The following VPS13B variants were observed in gnomAD, a reference collection of about 807,000 sequenced individuals.
VPS13B encodes vacuolar protein sorting 13 homolog B.
Under a neutral mutation model 426.4 loss-of-function variants are expected in VPS13B, and 285 were observed. The ratio of observed to expected loss-of-function variants is 0.67; its 90% confidence interval spans 0.61 to 0.74. The LOEUF (loss-of-function observed/expected upper bound fraction) is 0.74. VPS13B is among the 30% of genes least tolerant of loss of function. The pLI is 0.00. For synonymous variants in VPS13B, 1,676 were observed against 1,676.4 expected, an observed-to-expected ratio of 1.00 and a Z score of 0.01; for missense variants, 4,537 against 4,782.6, an observed-to-expected ratio of 0.95 and a Z score of 1.51.
chr8:99,613,191 G>T (rs758105592), intron 33 of VPS13B, among the ~76,000 whole-genome samples: 1 of 152,126 alleles, frequency 6.6e-6, no homozygotes, highest in African/African-American at 2.4e-5. Flanking sequence ...TGACTATGTT[G>T]TTATACCTTT....
At chr8:99,256,992 T>C (rs1817776903) in intron 17 of VPS13B, among the ~76,000 whole-genome samples, 1 of 152,064 alleles carries the variant, frequency 6.6e-6, no homozygotes, top group South Asian at 2.1e-4. Flanking sequence ...CCAGGCTGAG[T>C]CTGGTATAGA....
intron 21 of VPS13B, 39 bp downstream of exon 21, chr8:99,391,743 C>T: frequency 6.2e-7 from 1 of 1,605,788 alleles, no homozygotes; most frequent in Non-Finnish European, 8.5e-7. Context: ...TGATTGTACT[C>T]TACTTCTAAG....
intron 33 of VPS13B, among the ~76,000 whole-genome samples, chr8:99,615,676 T>A (rs1828054794): frequency 6.6e-6 from 1 of 152,210 alleles, no homozygotes; most frequent in Non-Finnish European, 1.5e-5. Flanking sequence ...AAAAATCAGA[T>A]AAATTTCTGT....
chr8:99,354,544 A>C (rs1238396494), intron 19 of VPS13B, among the ~76,000 whole-genome samples: 1 of 151,728 alleles, frequency 6.6e-6, no homozygotes, highest in Non-Finnish European at 1.5e-5. Flanking sequence ...TTAAATGGAA[A>C]TATCCTATTA....
chr8:99,520,196 A>G (rs1299528070), intron 29 of VPS13B, among the ~76,000 whole-genome samples: 3 of 152,138 alleles, frequency 2.0e-5, no homozygotes, highest in African/African-American at 7.2e-5. Flanking sequence ...TAGGAGGTAG[A>G]ACTTTTAAAG....
At chr8:99,577,850 G>A (rs1327159764) in intron 33 of VPS13B, 1 of 595,606 alleles carries the variant, frequency 1.7e-6, no homozygotes, top group Non-Finnish European at 2.9e-6. Context: ...TTGCAAAATT[G>A]CTGTGGACTG....
chr8:99,642,596 C>CGCCCTT, intron 34 of VPS13B, 98 bp downstream of exon 34: 2 of 1,096,458 alleles, frequency 1.8e-6, no homozygotes, highest in Non-Finnish European at 2.6e-6. Flanking sequence ...AGCTGGCAGA[C>CGCCCTT]AAAAGTCTTT....
At chr8:99,668,457 T>C (rs1588607279) in intron 35 of VPS13B, among the ~76,000 whole-genome samples, 1 of 152,172 alleles carries the variant, frequency 6.6e-6, no homozygotes, top group East Asian at 1.9e-4. Flanking sequence ...CTTCACAGCT[T>C]TTGAAATTTA....
intron 2 of VPS13B, among the ~76,000 whole-genome samples, chr8:99,023,206 T>A (rs982242420): frequency 1.3e-5 from 2 of 151,836 alleles, no homozygotes; most frequent in African/African-American, 4.8e-5. Flanking sequence ...GTGGTCCAGC[T>A]GTAATTTTGT....
At chr8:99,276,077 T>C (rs749748433) in intron 19 of VPS13B, among the ~76,000 whole-genome samples, 1 of 152,172 alleles carries the variant, frequency 6.6e-6, no homozygotes, top group Non-Finnish European at 1.5e-5. Context: ...AGAAAGTATG[T>C]TCAGCACTAG....
intron 40 of VPS13B, among the ~76,000 whole-genome samples, chr8:99,775,930 A>G (rs1038869731): frequency 6.6e-6 from 1 of 152,132 alleles, no homozygotes; most frequent in African/African-American, 2.4e-5. Flanking sequence ...TTTAACTTGT[A>G]TAAAATAGTG....
At chr8:99,530,556 G>A (rs1384618616) in intron 30 of VPS13B, among the ~76,000 whole-genome samples, 1 of 151,320 alleles carries the variant, frequency 6.6e-6, no homozygotes, top group Non-Finnish European at 1.5e-5. Flanking sequence ...GGAGGTTGCA[G>A]TGAGCCGAGA....
intron 55 of VPS13B, among the ~76,000 whole-genome samples, chr8:99,850,913 G>A (rs1588782407): frequency 6.6e-6 from 1 of 152,046 alleles, no homozygotes. Flanking sequence ...GCGACAGAGC[G>A]AGACTCCATC....
intron 21 of VPS13B, among the ~76,000 whole-genome samples, chr8:99,425,517 C>A (rs1048108006): frequency 4.6e-5 from 7 of 152,038 alleles, no homozygotes; most frequent in Admixed American, 3.9e-4. Context: ...ATTCAACAGC[C>A]CTTCATACTA....
chr8:99,637,997 T>G (rs1245156994), intron 33 of VPS13B, among the ~76,000 whole-genome samples: 1 of 152,136 alleles, frequency 6.6e-6, no homozygotes, highest in Non-Finnish European at 1.5e-5. Context: ...ATTTGACTGC[T>G]TAAGTACTTG....
chr8:99,584,818 T>C (rs1826228823), intron 33 of VPS13B, among the ~76,000 whole-genome samples: 2 of 152,180 alleles, frequency 1.3e-5, no homozygotes, highest in African/African-American at 4.8e-5. Context: ...CAAATACTAT[T>C]ATGGATACTA....
intron 43 of VPS13B, among the ~76,000 whole-genome samples, chr8:99,797,396 C>T (rs1812901045): frequency 6.6e-6 from 1 of 152,092 alleles, no homozygotes; most frequent in Non-Finnish European, 1.5e-5. Flanking sequence ...TGAACCACCA[C>T]ACCCAGCCAA....
At chr8:99,326,888 T>C (rs956621736) in intron 19 of VPS13B, among the ~76,000 whole-genome samples, 1 of 152,232 alleles carries the variant, frequency 6.6e-6, no homozygotes, top group Non-Finnish European at 1.5e-5. Context: ...CCTCTGGCAT[T>C]CAATCTCAGA....
chr8:99,726,159 A>G (rs1415294335), intron 39 of VPS13B, among the ~76,000 whole-genome samples: 4 of 152,234 alleles, frequency 2.6e-5, no homozygotes, highest in Non-Finnish European at 2.9e-5. Flanking sequence ...TGTCTATAAT[A>G]ATAAATCAAA....
Sources: allele counts gnomAD v4.1 joint callset (sites outside exome capture counted in the v4.1 genomes callset), GRCh38; gene constraint gnomAD v4.1.1; transcripts MANE v1.5; gene names NCBI Gene and HGNC (gene_info 2026-07-23, HGNC 2026-07-21).